Variants in CNTN1 observed in about 807,000 individuals in gnomAD.
The protein encoded by CNTN1 is contactin-1.
In CNTN1, 38 loss-of-function variants were observed where a neutral mutation model predicts 126.4. The observed-to-expected ratio is 0.30, with a 90% CI of 0.23 to 0.39. CNTN1 has a LOEUF of 0.39. Among genes scored for constraint, CNTN1 ranks in the 10% least tolerant of loss-of-function variants. The pLI, the probability that CNTN1 is intolerant of heterozygous loss-of-function variation, is 1.00. For missense variants in CNTN1, 1,009 were observed against 1,248.4 expected (o/e 0.81, Z 2.89); for synonymous variants, 413 against 422.6 (o/e 0.98, Z 0.28).
chr12:40,778,980 T>C (rs1162582834), intron 1 of CNTN1, among the ~76,000 whole-genome samples: 2 of 151,510 alleles, frequency 1.3e-5, no homozygotes, highest in Non-Finnish European at 1.5e-5. Context: ...CCTTTTCATA[T>C]GGAAAAATGA....
Position 40,752,434 on chromosome 12 carries a change from G to A in CNTN1, c.-77+59842G>A, listed in dbSNP as rs192184729. On this transcript the variant is annotated intron_variant, in intron 1 of 23. Transcript: ENST00000551295. Reference sequence around the variant, plus strand: ...CTTAATGAATGTCGATTATGTAAAGGCATTAAAACATTTTAAGTGGTAGAA... The same window carrying A: ...CTTAATGAATGTCGATTATGTAAAGACATTAAAACATTTTAAGTGGTAGAA... 1.9e-3 allele frequency among the ~76,000 whole-genome samples: 293 copies of A among 152,096 alleles called. 1 individual carries two copies. The highest frequency in any genetic ancestry group is 1.5e-3 in the Non-Finnish European group (105 of 67,986).
chr12:41,016,398 A>G (rs1352306919), intron 18 of CNTN1, among the ~76,000 whole-genome samples: 1 of 152,154 alleles, frequency 6.6e-6, no homozygotes, highest in Non-Finnish European at 1.5e-5. Context: ...GGGAGGAGTC[A>G]CATAACATCT....
intron 2 of CNTN1, 130 bp from the exon 3 acceptor site, chr12:40,909,943 C>T (rs1944968096): frequency 1.4e-6 from 1 of 692,886 alleles, no homozygotes; most frequent in African/African-American, 1.8e-5. Flanking sequence ...TGTGAAGATA[C>T]TTCAACCTTT....
intron 1 of CNTN1, among the ~76,000 whole-genome samples, chr12:40,829,478 G>C (rs1565795241): frequency 6.6e-6 from 1 of 151,174 alleles, no homozygotes; most frequent in Non-Finnish European, 1.5e-5. Context: ...AGTATGTTTT[G>C]GGAAAAAAAA....
intron 21 of CNTN1, 125 bp downstream of exon 21, chr12:41,025,461 C>A: frequency 1.1e-6 from 1 of 886,632 alleles, no homozygotes; most frequent in South Asian, 1.4e-5. Flanking sequence ...TCCTTTACAG[C>A]CACACAAGAT....
At chr12:40,839,839 AAAT>A (rs1166092746) in intron 1 of CNTN1, among the ~76,000 whole-genome samples, 1 of 152,198 alleles carries the variant, frequency 6.6e-6, no homozygotes, top group East Asian at 1.9e-4. Flanking sequence ...TCACTGGTTA[AAAT>A]AATAATACAA....
intron 3 of CNTN1, among the ~76,000 whole-genome samples, chr12:40,917,321 G>C (rs1185992042): frequency 6.6e-6 from 1 of 152,024 alleles, no homozygotes; most frequent in Non-Finnish European, 1.5e-5. Context: ...TATAAGCTAG[G>C]TACATTGCCA....
chr12:40,872,171 T>C (rs555131578), intron 1 of CNTN1, among the ~76,000 whole-genome samples: 9 of 150,930 alleles, frequency 6.0e-5, no homozygotes, highest in Non-Finnish European at 1.3e-4. Flanking sequence ...GCACAGACCT[T>C]GAGCTTAAGA....
At chr12:40,894,090 A>G (rs768045831) in intron 1 of CNTN1, among the ~76,000 whole-genome samples, 2 of 152,092 alleles carry the variant, frequency 1.3e-5, no homozygotes, top group African/African-American at 4.8e-5. Context: ...TAAGCAGTCA[A>G]TGTTTATCTT....
At chr12:40,975,189 T>C (rs1947639699) in intron 15 of CNTN1, among the ~76,000 whole-genome samples, 1 of 13,932 alleles carries the variant, frequency 7.2e-5, no homozygotes, top group East Asian at 7.7e-4. Context: ...TATATATATA[T>C]ATATATATAT....
At chr12:41,011,490 C>T (rs774812374) in intron 17 of CNTN1, among the ~76,000 whole-genome samples, 3 of 152,218 alleles carry the variant, frequency 2.0e-5, no homozygotes, top group Non-Finnish European at 4.4e-5. Context: ...GGGAGAAAGA[C>T]AGTGGGGGTG....
intron 1 of CNTN1, among the ~76,000 whole-genome samples, chr12:40,893,996 TCTAATAG>T (rs1944320731): frequency 6.6e-6 from 1 of 152,074 alleles, no homozygotes; most frequent in African/African-American, 2.4e-5. Flanking sequence ...ATCCTTACAC[TCTAATAG>T]CCACCCCAAA....
intron 1 of CNTN1, among the ~76,000 whole-genome samples, chr12:40,800,951 AT>A: frequency 6.6e-6 from 1 of 151,786 alleles, no homozygotes; most frequent in East Asian, 1.9e-4. Flanking sequence ...CCACATAAGA[AT>A]GAGTAAGTTT....
chr12:40,973,755 G>GTGTT (rs1947590437), intron 15 of CNTN1, among the ~76,000 whole-genome samples: 2 of 152,250 alleles, frequency 1.3e-5, no homozygotes, highest in African/African-American at 4.8e-5. Flanking sequence ...TAGAAAGCCA[G>GTGTT]TGTTTAAGAG....
At chr12:41,058,550 A>G (rs1949873371) in intron 23 of CNTN1, among the ~76,000 whole-genome samples, 1 of 152,188 alleles carries the variant, frequency 6.6e-6, no homozygotes, top group Admixed American at 6.5e-5. Flanking sequence ...TGCTGATTTT[A>G]TAAATAAACT....
chr12:40,749,305 C>G (rs1233203323), intron 1 of CNTN1, among the ~76,000 whole-genome samples: 1 of 152,062 alleles, frequency 6.6e-6, no homozygotes, highest in Non-Finnish European at 1.5e-5. Flanking sequence ...CAGCCTATAC[C>G]TCTATTGTCC....
chr12:41,037,841 G>A (rs922502793), intron 23 of CNTN1, among the ~76,000 whole-genome samples: 1 of 152,068 alleles, frequency 6.6e-6, no homozygotes. Context: ...TGAGTACAAA[G>A]GCATTGATGG....
intron 3 of CNTN1, among the ~76,000 whole-genome samples, 162 bp downstream of exon 3, chr12:40,910,267 G>A (rs1300659265): frequency 6.6e-6 from 1 of 152,118 alleles, no homozygotes; most frequent in Non-Finnish European, 1.5e-5. Context: ...TAAGCAAACT[G>A]TTTGTTGAAT....
At position 41,056,989 on chromosome 12, in the gene CNTN1, AAATATTATAAATATTTAG is replaced by A. The variant is rs1479782951; in HGVS notation, c.2981-12968_2981-12951del. On this transcript the variant is annotated intron_variant, in intron 23 of 23. Transcript: ENST00000551295. Reference sequence around the variant, plus strand: ...ATATTATAAATATTTAGATATTTATAAATATTATAAATATTTAGATATTTATAAATGATATTTATAAAT... The same window carrying A: ...ATATTATAAATATTTAGATATTTATAATATTTATAAATGATATTTATAAAT... 2.1e-4 allele frequency among the ~76,000 whole-genome samples: 20 copies of A among 96,764 alleles called. 1 individual carries two copies. Among genetic ancestry groups the A allele is most frequent in the Admixed American group, 1.1e-3 (10 of 9,288 alleles). 63.5% of individuals were successfully genotyped at this position (96,764 alleles called of 152,430 possible). A position where few individuals can be genotyped will look rare whatever the true frequency, so the allele number is the denominator to read the frequency against.
Sources: allele counts gnomAD v4.1 joint callset (sites outside exome capture counted in the v4.1 genomes callset), GRCh38; gene constraint gnomAD v4.1.1; transcripts MANE v1.5; gene names NCBI Gene and HGNC (gene_info 2026-07-23, HGNC 2026-07-21).